CDK6: variants seen among roughly 807,000 people sequenced by gnomAD.
CDK6 encodes cyclin-dependent kinase 6.
In CDK6, 6 loss-of-function variants were observed where a neutral mutation model predicts 37.1. The ratio of observed to expected loss-of-function variants is 0.16; its 90% CI spans 0.09 to 0.32. The LOEUF is 0.32. Among genes scored for constraint, CDK6 ranks in the 10% least tolerant of loss-of-function variants. The pLI, the probability that CDK6 is intolerant of heterozygous loss-of-function variation, is 1.00. For missense variants in CDK6, 224 were observed against 418.9 expected (o/e 0.53, Z 4.06); for synonymous variants, 160 against 161.3 (o/e 0.99, Z 0.06).
rs575358430 is a variant in CDK6, at chr7:92,688,282, G to A, written c.538-16747C>T. 7.9e-5 allele frequency among the ~76,000 whole-genome samples: 12 copies of A among 152,206 alleles called. No homozygotes were observed. The South Asian group carries it at 2.5e-3, about 32-fold the overall frequency. ...GATATTCCCAACCATTCGAATTAGTGTGTAGTGGTACTTTCTATACTTTTG... is the reference window on the plus strand; with the variant it reads ...GATATTCCCAACCATTCGAATTAGTATGTAGTGGTACTTTCTATACTTTTG... On this transcript the variant is annotated intron_variant, in intron 4 of 7. Transcript: ENST00000424848.
intron 4 of CDK6, among the ~76,000 whole-genome samples, chr7:92,694,387 A>AT (rs1797662172): frequency 6.6e-6 from 1 of 152,230 alleles, no homozygotes; most frequent in Admixed American, 6.5e-5. Context: ...CCATCTGAAC[A>AT]TTGCACTGTG....
intron 3 of CDK6, among the ~76,000 whole-genome samples, chr7:92,745,366 G>A (rs1378407631): frequency 6.6e-6 from 1 of 152,058 alleles, no homozygotes; most frequent in African/African-American, 2.4e-5. Context: ...ACACAATTTT[G>A]TCTTCTGTCC....
chr7:92,711,430 T>C (rs1268817290), intron 4 of CDK6, among the ~76,000 whole-genome samples: 1 of 152,074 alleles, frequency 6.6e-6, no homozygotes, highest in Non-Finnish European at 1.5e-5. Flanking sequence ...CTGAGGGTTG[T>C]ATACAAGTAG....
intron 2 of CDK6, among the ~76,000 whole-genome samples, chr7:92,824,814 A>C (rs1253351300): frequency 1.3e-5 from 2 of 152,112 alleles, no homozygotes; most frequent in Non-Finnish European, 2.9e-5. Flanking sequence ...TCATTTGATC[A>C]GAGTAAACCA....
At chr7:92,785,961 T>C (rs1382302278) in intron 2 of CDK6, among the ~76,000 whole-genome samples, 3 of 152,146 alleles carry the variant, frequency 2.0e-5, no homozygotes, top group South Asian at 2.1e-4. Flanking sequence ...CTTGACTAGT[T>C]AGAAAAAAGG....
rs1801573660 is a variant in CDK6, at chr7:92,833,941, G to A, written c.-367-251C>T. The A allele has an allele frequency of 2.5e-6, 1 of 398,820 alleles. No homozygotes were observed. Among genetic ancestry groups the A allele is most frequent in the East Asian group, 3.6e-5 (1 of 28,064 alleles). 24.7% of individuals were successfully genotyped at this position (398,820 alleles called of 1,614,324 possible). A position where few individuals can be genotyped will look rare whatever the true frequency, so the allele number is the denominator to read the frequency against. On this transcript the variant is annotated intron_variant, in intron 1 of 7. Transcript: ENST00000424848. This position sits in a 1 kb window ranked among gnomAD's most constrained non-coding sequence, Gnocchi z 6.1. ...TTGCAGGGGCCCCTCGGGGATGAGC[G>A]AGCGGCGCGGGACGCAGTGGAACGG...
intron 2 of CDK6, among the ~76,000 whole-genome samples, chr7:92,807,455 C>A (rs556308779): frequency 6.6e-6 from 1 of 151,726 alleles, no homozygotes; most frequent in African/African-American, 2.4e-5. Flanking sequence ...CATAGATACA[C>A]ATCTCCTTAT....
At chr7:92,754,003 A>C (rs1252094234) in intron 3 of CDK6, among the ~76,000 whole-genome samples, 1 of 152,184 alleles carries the variant, frequency 6.6e-6, no homozygotes, top group Non-Finnish European at 1.5e-5. Flanking sequence ...AGGGTCTCAG[A>C]CTAGATAATG....
intron 4 of CDK6, among the ~76,000 whole-genome samples, chr7:92,704,867 A>T (rs1373341011): frequency 6.6e-6 from 1 of 152,198 alleles, no homozygotes; most frequent in Non-Finnish European, 1.5e-5. Flanking sequence ...ATGGAATTGC[A>T]GGGTTTCATG....
intron 5 of CDK6, among the ~76,000 whole-genome samples, chr7:92,634,757 T>C (rs1345958389): frequency 6.6e-6 from 1 of 152,200 alleles, no homozygotes; most frequent in Non-Finnish European, 1.5e-5. Context: ...ACACATTGAC[T>C]TACATCCATC....
At chr7:92,826,588 T>C (rs1417583901) in intron 2 of CDK6, among the ~76,000 whole-genome samples, 1 of 152,110 alleles carries the variant, frequency 6.6e-6, no homozygotes, top group East Asian at 1.9e-4. Context: ...GTAGGATACA[T>C]GTTAACAAAT....
chr7:92,627,534 A>C (rs903432739), intron 5 of CDK6, among the ~76,000 whole-genome samples: 2 of 152,094 alleles, frequency 1.3e-5, no homozygotes, highest in African/African-American at 4.8e-5. Context: ...CCCTCTCCAG[A>C]TACTGGCTCT....
chr7:92,694,809 T>C (rs1797671903), intron 4 of CDK6, among the ~76,000 whole-genome samples: 1 of 152,174 alleles, frequency 6.6e-6, no homozygotes, highest in African/African-American at 2.4e-5. Flanking sequence ...CATGTCTGTC[T>C]CTGAAATAGA....
intron 5 of CDK6, among the ~76,000 whole-genome samples, chr7:92,641,162 A>G (rs1438139767): frequency 6.6e-6 from 1 of 151,964 alleles, no homozygotes; most frequent in Non-Finnish European, 1.5e-5. Context: ...TTCTTTTCCT[A>G]TTTTTATTTT....
At chr7:92,764,375 G>A (rs1032543504) in intron 3 of CDK6, among the ~76,000 whole-genome samples, 3 of 152,170 alleles carry the variant, frequency 2.0e-5, no homozygotes, top group Non-Finnish European at 4.4e-5. Flanking sequence ...GGGCTCAAGT[G>A]ATGCGTCCTC....
At chr7:92,633,764 A>C (rs1171318758) in intron 5 of CDK6, among the ~76,000 whole-genome samples, 1 of 152,146 alleles carries the variant, frequency 6.6e-6, no homozygotes, top group Non-Finnish European at 1.5e-5. Context: ...TGGACAAAGA[A>C]TATGTGAATG....
chr7:92,737,748 G>A (rs1405060723), intron 3 of CDK6, among the ~76,000 whole-genome samples: 1 of 152,202 alleles, frequency 6.6e-6, no homozygotes, highest in Non-Finnish European at 1.5e-5. Flanking sequence ...ATGCTGAACT[G>A]TGTGCATTCC....
chr7:92,661,099 T>C (rs1347211621), intron 5 of CDK6, among the ~76,000 whole-genome samples: 1 of 152,042 alleles, frequency 6.6e-6, no homozygotes, highest in Admixed American at 6.6e-5. Context: ...GGCCACAAGA[T>C]TCAAATGCTG....
intron 6 of CDK6, among the ~76,000 whole-genome samples, chr7:92,622,752 G>A (rs2188152): frequency 5.3e-5 from 8 of 152,094 alleles, no homozygotes; most frequent in Admixed American, 5.2e-4. Flanking sequence ...AGCAGAAAAT[G>A]TATTTGAACT....
Sources: allele counts gnomAD v4.1 joint callset (sites outside exome capture counted in the v4.1 genomes callset), GRCh38; gene constraint gnomAD v4.1.1; non-coding constraint Gnocchi (gnomAD v3.1); transcripts MANE v1.5; gene names NCBI Gene and HGNC (gene_info 2026-07-23, HGNC 2026-07-21).